LMBRD1: variants seen among roughly 807,000 people sequenced by gnomAD.
LMBRD1 encodes the protein LMBR1 domain containing 1.
A neutral mutation model predicts 74.8 loss-of-function variants in LMBRD1; 64 were observed. That is an observed-to-expected ratio of 0.86 (90% CI 0.70 to 1.05). The LOEUF is 1.05. LMBRD1 is among the 50% of genes least tolerant of loss of function. LMBRD1 has a pLI of 0.00. For synonymous variants in LMBRD1, 204 were observed against 216.3 expected, an observed-to-expected ratio of 0.94 and a Z score of 0.50; for missense variants, 652 against 645.9, an observed-to-expected ratio of 1.01 and a Z score of -0.10.
At chr6:69,717,522 T>A (rs1252957343) in intron 8 of LMBRD1, among the ~76,000 whole-genome samples, 2 of 152,194 alleles carry the variant, frequency 1.3e-5, no homozygotes, top group Non-Finnish European at 1.5e-5. Flanking sequence ...AATTAACTTT[T>A]AGCAAATACT....
chr6:69,754,623 T>C (rs1469603748), intron 3 of LMBRD1, among the ~76,000 whole-genome samples: 1 of 152,238 alleles, frequency 6.6e-6, no homozygotes, highest in South Asian at 2.1e-4. Flanking sequence ...ATAAATCTTT[T>C]AGGGCAATGA....
chr6:69,756,189 C>T (rs374660084), intron 3 of LMBRD1, among the ~76,000 whole-genome samples: 11 of 151,868 alleles, frequency 7.2e-5, no homozygotes, highest in East Asian at 1.9e-4. Context: ...AATGAGATCC[C>T]GTCTCTACTA....
intron 9 of LMBRD1, among the ~76,000 whole-genome samples, chr6:69,712,341 A>C (rs923036306): frequency 1.3e-5 from 2 of 152,202 alleles, no homozygotes; most frequent in Middle Eastern, 3.2e-3. Flanking sequence ...TTTCCAAAAA[A>C]AGAAAATAAT....
intron 3 of LMBRD1, among the ~76,000 whole-genome samples, chr6:69,774,208 T>G (rs1765637937): frequency 6.6e-6 from 1 of 152,006 alleles, no homozygotes; most frequent in Non-Finnish European, 1.5e-5. Flanking sequence ...TAAAGGGGAG[T>G]TCCCCTGCAC....
intron 9 of LMBRD1, among the ~76,000 whole-genome samples, chr6:69,703,091 A>T (rs1766169038): frequency 6.6e-6 from 1 of 152,086 alleles, no homozygotes; most frequent in Non-Finnish European, 1.5e-5. Flanking sequence ...AAAGAGAGTG[A>T]TATTGCATGT....
At chr6:69,708,789 G>A (rs1449229847) in intron 9 of LMBRD1, among the ~76,000 whole-genome samples, 1 of 152,110 alleles carries the variant, frequency 6.6e-6, no homozygotes, top group Admixed American at 6.5e-5. Flanking sequence ...ACAAAATTTT[G>A]AGATAGAACA....
chr6:69,720,334 GA>G (rs1562098374), intron 7 of LMBRD1, among the ~76,000 whole-genome samples: 1 of 152,036 alleles, frequency 6.6e-6, no homozygotes, highest in Non-Finnish European at 1.5e-5. Flanking sequence ...TTCCAAAGGA[GA>G]AACACTTAAA....
chr6:69,778,299 T>C (rs1483748576), intron 3 of LMBRD1, among the ~76,000 whole-genome samples: 2 of 152,234 alleles, frequency 1.3e-5, no homozygotes, highest in African/African-American at 2.4e-5. Flanking sequence ...TTTGTAATGA[T>C]TAACTTATCA....
chr6:69,754,371 G>A (rs971788562), intron 3 of LMBRD1, among the ~76,000 whole-genome samples: 1 of 152,142 alleles, frequency 6.6e-6, no homozygotes, highest in African/African-American at 2.4e-5. Flanking sequence ...ACTTTAAAGA[G>A]TTGTCTTAAC....
intron 14 of LMBRD1, among the ~76,000 whole-genome samples, chr6:69,693,947 C>A (rs778057815): frequency 6.6e-6 from 1 of 151,930 alleles, no homozygotes; most frequent in African/African-American, 2.4e-5. Context: ...GAAAGATAAA[C>A]CCATAAAACT....
intron 1 of LMBRD1, among the ~76,000 whole-genome samples, chr6:69,791,550 T>C (rs1387748493): frequency 6.6e-6 from 1 of 152,204 alleles, no homozygotes; most frequent in Non-Finnish European, 1.5e-5. Context: ...AGAACCATTG[T>C]TCTAAATAAG....
At chr6:69,751,583 C>T (rs1417136242) in intron 4 of LMBRD1, among the ~76,000 whole-genome samples, 1 of 152,156 alleles carries the variant, frequency 6.6e-6, no homozygotes, top group Non-Finnish European at 1.5e-5. Flanking sequence ...CCGCCTCGGC[C>T]TCCCAAAGTG....
At chr6:69,737,905 A>G in intron 7 of LMBRD1, 37 bp downstream of exon 7, 3 of 1,388,184 alleles carry the variant, frequency 2.2e-6, no homozygotes, top group Non-Finnish European at 3.1e-6. Context: ...ATTGTTTTAT[A>G]AGGCAATTTT....
At chr6:69,774,227 G>A in intron 3 of LMBRD1, among the ~76,000 whole-genome samples, 1 of 152,224 alleles carries the variant, frequency 6.6e-6, no homozygotes, top group East Asian at 1.9e-4. Flanking sequence ...ACATGCTCTT[G>A]CCTGCCACCA....
chr6:69,731,816 ATC>A (rs1766864765), intron 7 of LMBRD1, among the ~76,000 whole-genome samples: 1 of 151,888 alleles, frequency 6.6e-6, no homozygotes, highest in Non-Finnish European at 1.5e-5. Context: ...GTCAAAAACC[ATC>A]TGTGTCGTAT....
intron 9 of LMBRD1, among the ~76,000 whole-genome samples, chr6:69,710,611 T>C (rs1766361928): frequency 6.6e-6 from 1 of 152,148 alleles, no homozygotes; most frequent in Non-Finnish European, 1.5e-5. Context: ...ATCCAGACTA[T>C]ATAATGAACG....
At chr6:69,769,948 G>A (rs1765545122) in intron 3 of LMBRD1, among the ~76,000 whole-genome samples, 1 of 152,096 alleles carries the variant, frequency 6.6e-6, no homozygotes, top group South Asian at 2.1e-4. Context: ...TGGTAGGAGA[G>A]TGTATTAAAA....
intron 14 of LMBRD1, among the ~76,000 whole-genome samples, chr6:69,679,984 G>A (rs1765627419): frequency 2.0e-5 from 3 of 152,086 alleles, no homozygotes; most frequent in Admixed American, 1.3e-4. Flanking sequence ...CCAACAGTAG[G>A]AAAATAATTG....
Position 69,763,034 on chromosome 6 carries a change from G to A in LMBRD1, c.308-10678C>T, listed in dbSNP as rs188764636. ...ACACATATCTAAAAATATGGAGGTC[G>A]CTTTGGAACATGCCACTGGACAATT... On this transcript the variant is annotated intron_variant, in intron 3 of 15. Transcript: ENST00000649934. Among the ~76,000 whole-genome samples, 209 of 148,922 alleles carry A rather than the reference G, an allele frequency of 1.4e-3. 1 individual carries two copies. The highest frequency in any genetic ancestry group is 4.6e-3 in the African/African-American group (186 of 40,094).
Sources: allele counts gnomAD v4.1 joint callset (sites outside exome capture counted in the v4.1 genomes callset), GRCh38; gene constraint gnomAD v4.1.1; transcripts MANE v1.5; gene names NCBI Gene and HGNC (gene_info 2026-07-23, HGNC 2026-07-21).